NAALADL2: variants seen among roughly 807,000 people sequenced by gnomAD.
The protein encoded by NAALADL2 is N-acetylated alpha-linked acidic dipeptidase like 2.
A neutral mutation model predicts 87.2 loss-of-function variants in NAALADL2; 76 were observed. That is an observed-to-expected ratio of 0.87 (90% CI 0.72 to 1.05). The LOEUF is 1.05. Ranked by LOEUF, NAALADL2 falls within the 50% of genes least tolerant of loss-of-function variation. NAALADL2 has a pLI of 0.00. For synonymous variants in NAALADL2, 354 were observed against 331.0 expected, an observed-to-expected ratio of 1.07 and a Z score of -0.75; for missense variants, 1,089 against 945.8, an observed-to-expected ratio of 1.15 and a Z score of -1.99.
At chr3:175,656,292 A>G (rs1432319438) in intron 11 of NAALADL2, among the ~76,000 whole-genome samples, 1 of 152,244 alleles carries the variant, frequency 6.6e-6, no homozygotes, top group African/African-American at 2.4e-5. Context: ...TTTATGATTA[A>G]AAAGAATCTG....
At chr3:175,742,499 G>A (rs528228559) in intron 12 of NAALADL2, among the ~76,000 whole-genome samples, 7 of 109,706 alleles carry the variant, frequency 6.4e-5, no homozygotes, top group Non-Finnish European at 9.9e-5. Context: ...CCGGGTTCAC[G>A]CCATTCTCCT....
intron 4 of NAALADL2, chr3:175,257,056 AT>A (rs1169807410): frequency 1.3e-5 from 2 of 152,248 alleles, no homozygotes; most frequent in East Asian, 1.9e-4. Flanking sequence ...GAGTAGCAGA[AT>A]TTTGATTTAT....
At chr3:174,941,227 C>T (rs1738532930) in intron 1 of NAALADL2, among the ~76,000 whole-genome samples, 1 of 152,096 alleles carries the variant, frequency 6.6e-6, no homozygotes, top group South Asian at 2.1e-4. Flanking sequence ...CATCAAAGAA[C>T]TTCTTGATTT....
chr3:174,763,752 A>T (rs936746814), intron 3 of NAALADL2, among the ~76,000 whole-genome samples: 3 of 151,480 alleles, frequency 2.0e-5, no homozygotes, highest in African/African-American at 7.3e-5. Flanking sequence ...TGTAGAGTGA[A>T]ATGATTTGAA....
intron 10 of NAALADL2, among the ~76,000 whole-genome samples, chr3:175,578,192 G>A (rs940240035): frequency 6.6e-6 from 1 of 152,100 alleles, no homozygotes; most frequent in East Asian, 1.9e-4. Flanking sequence ...TTAGGAAGCC[G>A]AGACGGGCAG....
At chr3:174,579,940 T>G (rs888575568) in intron 2 of NAALADL2, among the ~76,000 whole-genome samples, 1 of 152,092 alleles carries the variant, frequency 6.6e-6, no homozygotes, top group Non-Finnish European at 1.5e-5. Context: ...ATATACCTTG[T>G]TCTACTTTGT....
chr3:174,781,123 T>C (rs1318519562), intron 3 of NAALADL2, among the ~76,000 whole-genome samples: 1 of 152,118 alleles, frequency 6.6e-6, no homozygotes, highest in East Asian at 1.9e-4. Context: ...CTCTTCTGGC[T>C]TGTAGGGTTT....
At chr3:174,479,123 T>C (rs1717396131) in intron 1 of NAALADL2, among the ~76,000 whole-genome samples, 2 of 152,218 alleles carry the variant, frequency 1.3e-5, no homozygotes, top group Non-Finnish European at 2.9e-5. Flanking sequence ...ATGAAACAAA[T>C]TTATGATACA....
At chr3:175,127,566 T>G (rs2108605755) in intron 2 of NAALADL2, among the ~76,000 whole-genome samples, 1 of 152,324 alleles carries the variant, frequency 6.6e-6, no homozygotes, top group East Asian at 1.9e-4. Flanking sequence ...GTCCCCTGCT[T>G]TTCTTTCAGT....
At chr3:175,039,615 C>T (rs909368238) in intron 1 of NAALADL2, among the ~76,000 whole-genome samples, 4 of 151,912 alleles carry the variant, frequency 2.6e-5, no homozygotes, top group African/African-American at 7.3e-5. Context: ...TGTTCTATTT[C>T]GTATTCTTTG....
chr3:175,001,173 C>G (rs533192019), intron 1 of NAALADL2, among the ~76,000 whole-genome samples: 1 of 152,290 alleles, frequency 6.6e-6, no homozygotes, highest in East Asian at 1.9e-4. Flanking sequence ...CAGTGCTTTT[C>G]AAATTTCAAT....
At chr3:175,102,370 T>C (rs953398740) in intron 2 of NAALADL2, among the ~76,000 whole-genome samples, 2 of 152,310 alleles carry the variant, frequency 1.3e-5, no homozygotes, top group African/African-American at 2.4e-5. Flanking sequence ...TTATTTGTTT[T>C]TGATAGGCCA....
chr3:175,310,775 T>C (rs1479388911), intron 4 of NAALADL2, among the ~76,000 whole-genome samples: 1 of 152,030 alleles, frequency 6.6e-6, no homozygotes, highest in African/African-American at 2.4e-5. Context: ...CTCTGTCTCA[T>C]ACGATTACAT....
chr3:174,575,424 G>C lies in NAALADL2; in HGVS notation c.-115+24787G>C, dbSNP rs543680166. On this transcript the variant is annotated intron_variant, in intron 2 of 3. Coordinates refer to the NAALADL2 transcript ENST00000434257. ...TACCATTTGACTATGTGACTACTCA[G>C]TTTAAAGCCCAAACATTTCCTAGTT... Among the ~76,000 whole-genome samples, 54 of 152,208 alleles carry C rather than the reference G, an allele frequency of 3.5e-4. No individual in the cohort carries two copies. The East Asian group carries it at 0.01, about 29-fold the overall frequency.
At chr3:175,379,253 T>C (rs552322227) in intron 5 of NAALADL2, among the ~76,000 whole-genome samples, 1 of 152,010 alleles carries the variant, frequency 6.6e-6, no homozygotes, top group Non-Finnish European at 1.5e-5. Context: ...CTCATAGGCA[T>C]GTTGTGAAAA....
At chr3:175,048,813 G>A (rs1007246049) in intron 1 of NAALADL2, among the ~76,000 whole-genome samples, 1 of 151,972 alleles carries the variant, frequency 6.6e-6, no homozygotes, top group Non-Finnish European at 1.5e-5. Context: ...TATTTGAAAT[G>A]GAGCATTCAT....
At chr3:174,587,435 T>C (rs1409403174) in intron 2 of NAALADL2, among the ~76,000 whole-genome samples, 1 of 152,188 alleles carries the variant, frequency 6.6e-6, no homozygotes, top group Non-Finnish European at 1.5e-5. Context: ...TAGCTGTTTA[T>C]TTTGCTCATT....
At chr3:175,495,079 T>C (rs1038869759) in intron 9 of NAALADL2, among the ~76,000 whole-genome samples, 1 of 142,876 alleles carries the variant, frequency 7.0e-6, no homozygotes, top group African/African-American at 2.6e-5. Flanking sequence ...ATCCCATATA[T>C]ATATATATAT....
In NAALADL2 at chr3:175,193,991, T is replaced by C. The variant is rs80286481; in HGVS notation, c.546-39940T>C. On this transcript the variant is annotated intron_variant, in intron 2 of 13. Transcript: ENST00000454872. ...GTGCTAGCAGCCCTTTCTTGGAGCA[T>C]AGAAATTACATGTATATCTTCAAGT... Among the ~76,000 whole-genome samples, 34 of 152,014 alleles carry C rather than the reference T, an allele frequency of 2.2e-4. 2 individuals are homozygous for C. In the East Asian group the frequency reaches 6.2e-3, roughly 28 times the overall value.
Sources: allele counts gnomAD v4.1 joint callset (sites outside exome capture counted in the v4.1 genomes callset), GRCh38; gene constraint gnomAD v4.1.1; transcripts MANE v1.5; gene names NCBI Gene and HGNC (gene_info 2026-07-23, HGNC 2026-07-21).